The following C4orf17 variants were observed in gnomAD, a reference collection of about 807,000 sequenced individuals.
C4orf17 encodes the protein uncharacterized protein C4orf17.
In C4orf17, 25 loss-of-function variants were observed where a neutral mutation model predicts 32.0. The observed-to-expected ratio is 0.78, with a 90% CI of 0.57 to 1.09. The LOEUF (loss-of-function observed/expected upper bound fraction) is 1.09, where lower values mean the gene tolerates loss of function less well. Ranked by LOEUF, C4orf17 falls within the 50% of genes least tolerant of loss-of-function variation. The pLI, the probability that C4orf17 is intolerant of heterozygous loss-of-function variation, is 0.00. For missense variants in C4orf17, 420 were observed against 420.0 expected (o/e 1.00, Z 0.00); for synonymous variants, 149 against 145.8 (o/e 1.02, Z -0.16).
rs769108511 is a variant in C4orf17 at position 99,541,965 on chromosome 4, T to A, written c.936T>A (p.Val312=). Residue 312 remains valine, a synonymous_variant, in exon 9 of 9, where the codon GTT becomes GTA. Coordinates refer to ENST00000326581, the MANE Select transcript of C4orf17 (RefSeq NM_032149.3). ...LIRRNNMKIP[V]AEYFSKPNSP... ...GAAGAAATAATATGAAAATACCTGT[T>A]GCAGAATATTTCAGCAAACCAAATT... The A allele has an allele frequency of 7.4e-6, 12 of 1,613,960 alleles. No individual in the cohort carries two copies. In the South Asian group the frequency reaches 1.3e-4, roughly 18 times the overall value.
chr4:99,534,439 A>G (rs1299879964), intron 5 of C4orf17, among the ~76,000 whole-genome samples: 4 of 152,208 alleles, frequency 2.6e-5, no homozygotes. Flanking sequence ...TGCAGTGAAC[A>G]TATGCATGCA....
At chr4:99,520,455 T>C (rs1251738476) in intron 2 of C4orf17, among the ~76,000 whole-genome samples, 1 of 152,218 alleles carries the variant, frequency 6.6e-6, no homozygotes, top group Non-Finnish European at 1.5e-5. Flanking sequence ...AGTATTACAT[T>C]GAAGAATTTT....
intron 4 of C4orf17, among the ~76,000 whole-genome samples, chr4:99,525,668 G>A (rs751227180): frequency 8.1e-4 from 123 of 151,982 alleles, no homozygotes; most frequent in Middle Eastern, 3.2e-3. Context: ...GGTGGTACGC[G>A]CCTGTAGTCC....
intron 5 of C4orf17, among the ~76,000 whole-genome samples, chr4:99,536,844 A>G (rs1315108080): frequency 2.6e-5 from 4 of 152,214 alleles, no homozygotes; most frequent in African/African-American, 9.6e-5. Flanking sequence ...GGATTCACTC[A>G]GGATGGTGGC....
intron 2 of C4orf17, among the ~76,000 whole-genome samples, chr4:99,518,544 T>TATATATAG (rs1393245676): frequency 2.2e-4 from 8 of 36,818 alleles, no homozygotes; most frequent in African/African-American, 3.9e-4. Flanking sequence ...TATATATATA[T>TATATATAG]AGAGAGAGAG....
intron 6 of C4orf17, among the ~76,000 whole-genome samples, chr4:99,538,742 T>C (rs1723604777): frequency 6.6e-6 from 1 of 152,194 alleles, no homozygotes; most frequent in South Asian, 2.1e-4. Context: ...ACAGACATCA[T>C]TTCAGTGAAT....
chr4:99,530,210 C>A (rs573283443), intron 5 of C4orf17, among the ~76,000 whole-genome samples: 10 of 152,246 alleles, frequency 6.6e-5, no homozygotes, highest in African/African-American at 2.4e-4. Flanking sequence ...GTTTATCACA[C>A]AAACCCAACC....
At chr4:99,535,529 T>G in intron 5 of C4orf17, among the ~76,000 whole-genome samples, 1 of 152,218 alleles carries the variant, frequency 6.6e-6, no homozygotes, top group Non-Finnish European at 1.5e-5. Context: ...TGGTCTTTTC[T>G]GCTATGAATA....
intron 7 of C4orf17, 38 bp downstream of exon 7, chr4:99,539,408 T>C (rs1397380562): frequency 6.7e-7 from 1 of 1,502,144 alleles, no homozygotes; most frequent in Non-Finnish European, 9.3e-7. Flanking sequence ...GGAGGGCCTA[T>C]GGCACATGAA....
At chr4:99,541,749 G>T in intron 8 of C4orf17, 161 bp from the exon 9 acceptor site, 1 of 591,670 alleles carries the variant, frequency 1.7e-6, no homozygotes, top group South Asian at 2.2e-5. Context: ...GCATGTGGTG[G>T]AAAAAAAAAG....
chr4:99,540,299 G>T, intron 7 of C4orf17, 113 bp from the exon 8 acceptor site: 3 of 630,830 alleles, frequency 4.8e-6, no homozygotes, highest in South Asian at 2.4e-5. Context: ...CAAAGAATTG[G>T]GGTAGCATAT....
intron 6 of C4orf17, 49 bp from the exon 7 acceptor site, chr4:99,539,114 G>A: frequency 6.6e-7 from 1 of 1,525,000 alleles, no homozygotes; most frequent in Non-Finnish European, 9.1e-7. Flanking sequence ...TATCCAACAT[G>A]ATAATTGCAA....
At chr4:99,526,164 C>T (rs531909433) in intron 4 of C4orf17, among the ~76,000 whole-genome samples, 150 of 152,264 alleles carry the variant, frequency 9.9e-4, no homozygotes, top group African/African-American at 2.9e-3. Context: ...GAGAAAGTTC[C>T]CTTCCATTCC....
chr4:99,520,453 A>C (rs1028961334), intron 2 of C4orf17, among the ~76,000 whole-genome samples: 1 of 152,182 alleles, frequency 6.6e-6, no homozygotes. Flanking sequence ...ATAGTATTAC[A>C]TTGAAGAATT....
intron 2 of C4orf17, among the ~76,000 whole-genome samples, chr4:99,521,435 A>G (rs969663676): frequency 6.6e-6 from 1 of 152,176 alleles, no homozygotes; most frequent in African/African-American, 2.4e-5. Context: ...TAAGATCTAT[A>G]TCTTAAATAA....
intron 5 of C4orf17, among the ~76,000 whole-genome samples, chr4:99,535,180 G>C (rs80354280): frequency 0.015 from 2,250 of 151,940 alleles, 27 homozygotes; most frequent in Non-Finnish European, 0.024. Context: ...TTTTTCTTCC[G>C]TTTTGGCCTT....
intron 2 of C4orf17, among the ~76,000 whole-genome samples, chr4:99,518,246 T>C (rs1053969144): frequency 2.6e-5 from 4 of 151,760 alleles, no homozygotes; most frequent in South Asian, 4.2e-4. Flanking sequence ...AGAAAGATCA[T>C]ATTAAAATGT....
At chr4:99,533,556 C>CA (rs765794484) in intron 5 of C4orf17, among the ~76,000 whole-genome samples, 6 of 152,118 alleles carry the variant, frequency 3.9e-5, no homozygotes, top group Non-Finnish European at 8.8e-5. Flanking sequence ...GTACAGAAAA[C>CA]AGAGTTTAGC....
chr4:99,536,518 T>G (rs1047178214), intron 5 of C4orf17, among the ~76,000 whole-genome samples: 3 of 152,180 alleles, frequency 2.0e-5, no homozygotes, highest in Non-Finnish European at 4.4e-5. Flanking sequence ...GCACAGCAGC[T>G]GTGCTGTGTT....
Sources: allele counts gnomAD v4.1 joint callset (sites outside exome capture counted in the v4.1 genomes callset), GRCh38; gene constraint gnomAD v4.1.1; transcripts MANE v1.5; gene names NCBI Gene and HGNC (gene_info 2026-07-23, HGNC 2026-07-21).